The following EFCAB13 variants were observed in gnomAD, a reference collection of about 807,000 sequenced individuals.
EFCAB13 encodes the protein EF-hand calcium-binding domain-containing protein 13.
EFCAB13 carries 91 observed loss-of-function variants against 110.2 expected under a neutral mutation model. That is an observed-to-expected ratio of 0.83 (90% confidence interval 0.70 to 0.98). The LOEUF (loss-of-function observed/expected upper bound fraction) is 0.98. Among genes scored for constraint, EFCAB13 ranks in the 50% least tolerant of loss-of-function variants. EFCAB13 has a pLI of 0.00. For synonymous variants in EFCAB13, 323 were observed against 369.9 expected (o/e 0.87, Z 1.45); for missense variants, 968 against 1,119.4 (o/e 0.86, Z 1.93).
intron 6 of EFCAB13, among the ~76,000 whole-genome samples, chr17:47,342,877 TTATC>T (rs1433948995): frequency 6.6e-6 from 1 of 152,180 alleles, no homozygotes; most frequent in African/African-American, 2.4e-5. Flanking sequence ...CACTTATTCT[TTATC>T]TAGCTGAATC....
intron 7 of EFCAB13, 92 bp downstream of exon 7, chr17:47,344,384 A>G (rs747603616): frequency 6.3e-6 from 9 of 1,420,148 alleles, no homozygotes; most frequent in African/African-American, 1.4e-5. Context: ...CATAAAGAAT[A>G]TGAAGTAGTT....
At chr17:47,413,461 CT>C (rs1904324206) in intron 22 of EFCAB13, among the ~76,000 whole-genome samples, 1 of 152,160 alleles carries the variant, frequency 6.6e-6, no homozygotes, top group South Asian at 2.1e-4. Flanking sequence ...GAGAGTACTT[CT>C]AGAAGCTGCT....
At chr17:47,409,026 A>T (rs2065819949) in intron 20 of EFCAB13, among the ~76,000 whole-genome samples, 1 of 152,180 alleles carries the variant, frequency 6.6e-6, no homozygotes, top group African/African-American at 2.4e-5. Flanking sequence ...ATTTATGTGT[A>T]TTCTAACCTC....
intron 8 of EFCAB13, among the ~76,000 whole-genome samples, chr17:47,346,998 CCTGTATTCCCAGCA>C (rs1222096764): frequency 1.3e-5 from 2 of 152,124 alleles, no homozygotes. Context: ...GTGGCTCATG[CCTGTATTCCCAGCA>C]CTGCGGAAGG....
intron 21 of EFCAB13, among the ~76,000 whole-genome samples, 172 bp downstream of exon 21, chr17:47,409,863 C>T (rs1055860874): frequency 4.6e-5 from 7 of 152,120 alleles, no homozygotes; most frequent in African/African-American, 1.2e-4. Context: ...ACTCTTCAAA[C>T]ATTTCCTGTT....
At chr17:47,362,066 T>C (rs1273265195) in intron 10 of EFCAB13, among the ~76,000 whole-genome samples, 1 of 152,106 alleles carries the variant, frequency 6.6e-6, no homozygotes, top group Non-Finnish European at 1.5e-5. Context: ...GTTTTATTAT[T>C]GTGGGCGGCA....
In EFCAB13 at chr17:47,349,965, G is replaced by A. The variant is rs551109975; in HGVS notation, c.661+2014G>A. 5.9e-5 allele frequency among the ~76,000 whole-genome samples: 9 copies of A among 151,486 alleles called. No individual in the cohort carries two copies. The South Asian group carries it at 8.4e-4, about 14-fold the overall frequency. On this transcript the variant is annotated intron_variant, in intron 9 of 24. Coordinates refer to ENST00000331493, the MANE Select transcript of EFCAB13 (RefSeq NM_152347.5). Reference sequence around the variant, plus strand: ...AATTTTTTGTATTTTTAGTAGAGACGGGGTTTCACCTTGTTAGCCAGGATG... The same window carrying A: ...AATTTTTTGTATTTTTAGTAGAGACAGGGTTTCACCTTGTTAGCCAGGATG...
chr17:47,338,187 G>A (rs963031791), intron 5 of EFCAB13, among the ~76,000 whole-genome samples: 1 of 151,782 alleles, frequency 6.6e-6, no homozygotes, highest in Non-Finnish European at 1.5e-5. Flanking sequence ...TAAACTGCAG[G>A]TTGTGACTCA....
chr17:47,367,110 G>A (rs745399706), intron 10 of EFCAB13, among the ~76,000 whole-genome samples: 11 of 152,328 alleles, frequency 7.2e-5, no homozygotes, highest in Non-Finnish European at 1.6e-4. Context: ...GTTATGGGAA[G>A]TGTTAGAACT....
rs2065709034 is a variant in EFCAB13 at position 47,391,717 on chromosome 17, A to G, written c.1726+137A>G. 4 of 711,116 alleles carry G rather than the reference A, an allele frequency of 5.6e-6. No individual in the cohort carries two copies. In the South Asian group the frequency reaches 1.1e-4, roughly 19 times the overall value. 44.1% of individuals were successfully genotyped at this position (711,116 alleles called of 1,614,324 possible). ...AAACTAATACAAAAAGTATGGAAAT[A>G]CTCAAAAGTACAAGAAAACACTCAA... On this transcript the variant is annotated intron_variant, in intron 15 of 24. Transcript: ENST00000331493.
At chr17:47,409,553 A>C in intron 20 of EFCAB13, 94 bp from the exon 21 acceptor site, 1 of 939,166 alleles carries the variant, frequency 1.1e-6, no homozygotes, top group Non-Finnish European at 1.7e-6. Flanking sequence ...TTAGTGGGAA[A>C]AGAAGTATTC....
At chr17:47,440,257 A>T (rs923156629) in intron 24 of EFCAB13, among the ~76,000 whole-genome samples, 174 bp from the exon 25 acceptor site, 1 of 152,190 alleles carries the variant, frequency 6.6e-6, no homozygotes, top group African/African-American at 2.4e-5. Context: ...ATTTGGAAAT[A>T]AAATGAGCAG....
At chr17:47,393,903 G>C in intron 15 of EFCAB13, 122 bp from the exon 16 acceptor site, 1 of 458,844 alleles carries the variant, frequency 2.2e-6, no homozygotes. Context: ...ATTTTTATTG[G>C]TTAGTATTAC....
intron 20 of EFCAB13, 92 bp from the exon 21 acceptor site, chr17:47,409,555 G>C: frequency 1.1e-6 from 1 of 951,924 alleles, no homozygotes; most frequent in Non-Finnish European, 1.7e-6. Flanking sequence ...AGTGGGAAAA[G>C]AAGTATTCAA....
chr17:47,423,992 C>T (rs112357035), intron 23 of EFCAB13, among the ~76,000 whole-genome samples: 11 of 152,146 alleles, frequency 7.2e-5, no homozygotes, highest in African/African-American at 2.7e-4. Flanking sequence ...CCAGTTGCAC[C>T]CCAAGGGCCG....
At chr17:47,437,293 G>GT (rs1482240359) in intron 24 of EFCAB13, among the ~76,000 whole-genome samples, 1 of 152,114 alleles carries the variant, frequency 6.6e-6, no homozygotes, top group Admixed American at 6.5e-5. Flanking sequence ...CCAAGGTATA[G>GT]TTTAAGTCCA....
At chr17:47,400,670 C>T (rs1373290334) in intron 17 of EFCAB13, among the ~76,000 whole-genome samples, 1 of 151,168 alleles carries the variant, frequency 6.6e-6, no homozygotes, top group Non-Finnish European at 1.5e-5. Flanking sequence ...TTCTCCTCCC[C>T]TCCCCTTCCC....
Position 47,440,531 on chromosome 17 carries a change from C to G in EFCAB13, c.2739C>G (p.Cys913Trp). ...AGTTTTATTTAATATGTACTTATTGCCCAGATCTAGAAAGGCAAGCAGTGG... is the reference window on the plus strand; with the variant it reads ...AGTTTTATTTAATATGTACTTATTGGCCAGATCTAGAAAGGCAAGCAGTGG... ...AGKFYLICTY[C>W]PDLERQAVVY... The change falls in exon 25 of 25, where the codon TGC becomes TGG. Residue 913 changes from cysteine (C) to tryptophan (W), a missense_variant. Physicochemically the swap from Cys to Trp is radical, Grantham distance 215 (BLOSUM62 -2). Transcript: ENST00000331493. 6.2e-7 allele frequency: 1 copy of G among 1,612,884 alleles called. No homozygotes were observed. The highest frequency in any genetic ancestry group is 8.5e-7 in the Non-Finnish European group (1 of 1,179,536).
At chr17:47,407,488 A>G (rs970773695) in intron 20 of EFCAB13, among the ~76,000 whole-genome samples, 1 of 152,036 alleles carries the variant, frequency 6.6e-6, no homozygotes, top group African/African-American at 2.4e-5. Context: ...ACTTAGATCC[A>G]TGGACTGAAT....
Sources: gnomAD v4.1 joint callset for allele counts (sites outside exome capture counted in the v4.1 genomes callset) on GRCh38, gnomAD v4.1.1 for gene constraint, MANE v1.5 for transcripts, NCBI Gene and HGNC (gene_info 2026-07-23, HGNC 2026-07-21) for gene names.